SLC7A6: variants seen among roughly 807,000 people sequenced by gnomAD.
The protein encoded by SLC7A6 is solute carrier family 7 member 6.
A neutral mutation model predicts 46.6 loss-of-function variants in SLC7A6; 29 were observed. The ratio of observed to expected loss-of-function variants is 0.62; its 90% confidence interval spans 0.46 to 0.85. The LOEUF is 0.85. SLC7A6 is among the 40% of genes least tolerant of loss of function. The pLI, the probability that SLC7A6 is intolerant of heterozygous loss-of-function variation, is 0.00. For missense variants in SLC7A6, 527 were observed against 647.6 expected, an observed-to-expected ratio of 0.81 and a Z score of 2.02; for synonymous variants, 276 against 257.3, an observed-to-expected ratio of 1.07 and a Z score of -0.70.
chr16:68,289,270 GCAACAAGAACGAAACT>G, intron 4 of SLC7A6, among the ~76,000 whole-genome samples: 1 of 152,122 alleles, frequency 6.6e-6, no homozygotes, highest in African/African-American at 2.4e-5. Context: ...TCCAGCCTGG[GCAACAAGAACGAAACT>G]CTGTCTCAAA....
chr16:68,291,681 C>CTGATAATAGA lies in SLC7A6; in HGVS notation c.1022+21_1022+30dup. 1 of 1,599,536 alleles carries CTGATAATAGA rather than the reference C, an allele frequency of 6.3e-7. No individual in the cohort carries two copies. ...ATCAAGGTACTGTGTCTCTGTGTCACTGATAATAGACCACAATATTTCATT... is the reference window on the plus strand; with the variant it reads ...ATCAAGGTACTGTGTCTCTGTGTCACTGATAATAGATGATAATAGACCACAATATTTCATT... On this transcript the variant is annotated intron_variant, in intron 7 of 10. Transcript: ENST00000219343.
chr16:68,270,861 A>AT (rs11301249), intron 2 of SLC7A6, among the ~76,000 whole-genome samples: 80,352 of 142,742 alleles, frequency 0.56, 22,537 homozygotes, highest in East Asian at 0.8. Context: ...TTTATATTGG[A>AT]TTTTTTTTTT....
In SLC7A6 at chr16:68,281,331, A is replaced by G. The variant is rs188495593; in HGVS notation, c.523+6082A>G. ...TTTATCTTCCAGGAGACATTTAGCA[A>G]TATCTGGAGACACTTTTGGTTGTCA... On this transcript the variant is annotated intron_variant, in intron 3 of 10. Transcript: ENST00000219343. Among the ~76,000 whole-genome samples, 6 of 152,296 alleles carry G rather than the reference A, an allele frequency of 3.9e-5. No individual in the cohort carries two copies. In the East Asian group the frequency reaches 9.6e-4, roughly 24 times the overall value.
At chr16:68,277,025 C>G (rs550411385) in intron 3 of SLC7A6, among the ~76,000 whole-genome samples, 1 of 151,764 alleles carries the variant, frequency 6.6e-6, no homozygotes, top group Non-Finnish European at 1.5e-5. Flanking sequence ...AAAAACCTCA[C>G]AAAGCATGTT....
intron 5 of SLC7A6, 199 bp from the exon 6 acceptor site, chr16:68,291,010 G>A (rs2043038089): frequency 3.2e-6 from 2 of 617,490 alleles, no homozygotes; most frequent in East Asian, 5.6e-5. Context: ...ATTAAATATT[G>A]ATCATGAGCT....
intron 2 of SLC7A6, among the ~76,000 whole-genome samples, chr16:68,274,195 T>G (rs1376045480): frequency 6.6e-6 from 1 of 152,228 alleles, no homozygotes; most frequent in East Asian, 1.9e-4. Flanking sequence ...GATGTCTCCA[T>G]GTCTTGCTGG....
Position 68,296,725 on chromosome 16 carries a change from G to A in SLC7A6, c.1368G>A (p.Gly456=), listed in dbSNP as rs1353313608. 2 of 1,614,200 alleles carry A rather than the reference G, an allele frequency of 1.2e-6. No homozygotes were observed. Among genetic ancestry groups the A allele is most frequent in the Non-Finnish European group, 1.7e-6 (2 of 1,180,034 alleles). Residue 456 remains glycine (G), a synonymous_variant, in exon 10 of 11, where the codon GGG becomes GGA. Coordinates refer to ENST00000219343, the MANE Select transcript of SLC7A6 (RefSeq NM_003983.6). ...TDTINSLIGI[G]IALSGVPFYF... ...CCATTAATTCCCTCATTGGCATCGGGATTGCCCTTTCTGGAGTCCCTTTCT... is the reference window on the plus strand; with the variant it reads ...CCATTAATTCCCTCATTGGCATCGGAATTGCCCTTTCTGGAGTCCCTTTCT...
chr16:68,280,433 T>C (rs920277621), intron 3 of SLC7A6, among the ~76,000 whole-genome samples: 1 of 152,130 alleles, frequency 6.6e-6, no homozygotes, highest in East Asian at 1.9e-4. Flanking sequence ...ATAGATTTGT[T>C]TGGTTTGTGG....
intron 7 of SLC7A6, among the ~76,000 whole-genome samples, chr16:68,294,143 C>T (rs1326378372): frequency 1.3e-5 from 2 of 152,074 alleles, no homozygotes; most frequent in Non-Finnish European, 2.9e-5. Context: ...ATCCACCTGC[C>T]TCGGCTTCCG....
intron 3 of SLC7A6, among the ~76,000 whole-genome samples, chr16:68,285,295 G>C (rs959090985): frequency 6.6e-6 from 1 of 152,170 alleles, no homozygotes; most frequent in East Asian, 1.9e-4. Context: ...GTCATGATAG[G>C]GAAGGGGGAG....
chr16:68,268,809 A>C (rs2042577558), intron 2 of SLC7A6, among the ~76,000 whole-genome samples: 1 of 152,144 alleles, frequency 6.6e-6, no homozygotes, highest in African/African-American at 2.4e-5. Flanking sequence ...GGAGTCCGAG[A>C]CCAGCCTGAC....
intron 3 of SLC7A6, among the ~76,000 whole-genome samples, chr16:68,283,133 A>AG (rs1168173568): frequency 1.3e-5 from 2 of 152,250 alleles, no homozygotes; most frequent in African/African-American, 4.8e-5. Context: ...AGAGTATGAA[A>AG]GGCACAGTTC....
At chr16:68,267,425 G>C (rs1250915245) in intron 2 of SLC7A6, among the ~76,000 whole-genome samples, 1 of 151,764 alleles carries the variant, frequency 6.6e-6, no homozygotes, top group Non-Finnish European at 1.5e-5. Flanking sequence ...ATGTTGGCCA[G>C]GCTGGTCCCG....
chr16:68,288,010 G>C, intron 4 of SLC7A6, 139 bp downstream of exon 4: 1 of 1,307,524 alleles, frequency 7.6e-7, no homozygotes. Flanking sequence ...GATGGGAGTA[G>C]ATTTCTTTCT....
chr16:68,296,560 G>C, intron 9 of SLC7A6, 47 bp downstream of exon 9: 1 of 1,613,716 alleles, frequency 6.2e-7, no homozygotes, highest in Non-Finnish European at 8.5e-7. Flanking sequence ...TCTCCCTAAG[G>C]TGGCTTCTTG....
At chr16:68,296,251 A>T in intron 8 of SLC7A6, 113 bp from the exon 9 acceptor site, 1 of 1,193,436 alleles carries the variant, frequency 8.4e-7, no homozygotes, top group Non-Finnish European at 1.2e-6. Context: ...GAAAAGAGCC[A>T]GAGGTAATCT....
At chr16:68,271,733 G>A (rs1055977598) in intron 2 of SLC7A6, among the ~76,000 whole-genome samples, 21 of 152,188 alleles carry the variant, frequency 1.4e-4, no homozygotes, top group Non-Finnish European at 2.5e-4. Context: ...TTGCTCTTGG[G>A]TGTTTAGCAA....
chr16:68,287,245 T>A, intron 3 of SLC7A6: 1 of 1,102,922 alleles, frequency 9.1e-7, no homozygotes, highest in Non-Finnish European at 1.2e-6. Flanking sequence ...CCCAAAGTGC[T>A]GGGATTACAG....
chr16:68,301,174 T>C lies in SLC7A6; in HGVS notation c.*3846T>C, dbSNP rs1597018646. 34 of 1,505,544 alleles carry C rather than the reference T, an allele frequency of 2.3e-5. No individual in the cohort carries two copies. The East Asian group carries it at 7.8e-4, about 35-fold the overall frequency. 93.3% of individuals were successfully genotyped at this position (1,505,544 alleles called of 1,614,324 possible). Reference sequence around the variant, plus strand: ...TGCTTGATATGCTTTTCCTTCCACATGTTAAGCTAGGAAACCTAACAGGAT... The same window carrying C: ...TGCTTGATATGCTTTTCCTTCCACACGTTAAGCTAGGAAACCTAACAGGAT... On this transcript the variant is annotated 3_prime_UTR_variant, in exon 11 of 11. Coordinates refer to ENST00000219343, the MANE Select transcript of SLC7A6 (RefSeq NM_003983.6).
Sources: allele counts gnomAD v4.1 joint callset (sites outside exome capture counted in the v4.1 genomes callset), GRCh38; gene constraint gnomAD v4.1.1; transcripts MANE v1.5; gene names NCBI Gene and HGNC (gene_info 2026-07-23, HGNC 2026-07-21).